ZDHHC14: variants seen among roughly 807,000 people sequenced by gnomAD.
The protein encoded by ZDHHC14 is zDHHC palmitoyltransferase 14.
In ZDHHC14, 16 loss-of-function variants were observed where a neutral mutation model predicts 47.7. That is an observed-to-expected ratio of 0.34 (90% CI 0.23 to 0.51). The LOEUF (loss-of-function observed/expected upper bound fraction) is 0.51. ZDHHC14 is among the 20% of genes least tolerant of loss of function. ZDHHC14 has a pLI of 0.97. For synonymous variants in ZDHHC14, 293 were observed against 278.9 expected (o/e 1.05, Z -0.50); for missense variants, 515 against 662.5 (o/e 0.78, Z 2.44).
intron 3 of ZDHHC14, among the ~76,000 whole-genome samples, chr6:157,618,161 T>A (rs941845680): frequency 1.3e-5 from 2 of 152,200 alleles, no homozygotes; most frequent in African/African-American, 2.4e-5. Context: ...AGGTCAACGC[T>A]GAGGGGCTTG....
intron 1 of ZDHHC14, among the ~76,000 whole-genome samples, chr6:157,412,858 G>A (rs1353827294): frequency 2.6e-5 from 4 of 152,208 alleles, no homozygotes; most frequent in Non-Finnish European, 2.9e-5. Context: ...AGGATATAGC[G>A]TTGGGAAATC....
intron 3 of ZDHHC14, among the ~76,000 whole-genome samples, chr6:157,627,159 A>G (rs1454102042): frequency 6.6e-6 from 1 of 152,186 alleles, no homozygotes; most frequent in Non-Finnish European, 1.5e-5. Context: ...ACAAGCTTGC[A>G]TTTGACCAAA....
At chr6:157,478,163 CAT>C (rs1164663565) in intron 1 of ZDHHC14, among the ~76,000 whole-genome samples, 6 of 152,142 alleles carry the variant, frequency 3.9e-5, no homozygotes, top group Non-Finnish European at 8.8e-5. Context: ...TTGCATTAAA[CAT>C]GTGTTCAGGA....
chr6:157,420,715 T>C (rs2114769410), intron 1 of ZDHHC14, among the ~76,000 whole-genome samples: 1 of 152,354 alleles, frequency 6.6e-6, no homozygotes, highest in South Asian at 2.1e-4. Flanking sequence ...AGGTCAGAAC[T>C]TGGTCACATT....
intron 1 of ZDHHC14, among the ~76,000 whole-genome samples, chr6:157,424,900 C>T (rs1020918391): frequency 6.6e-6 from 1 of 152,086 alleles, no homozygotes; most frequent in African/African-American, 2.4e-5. Flanking sequence ...GGATCCCTGC[C>T]AGGTGTCCTA....
At position 157,611,091 on chromosome 6, in the gene ZDHHC14, C is replaced by T. The variant is rs180728481; in HGVS notation, c.566-17258C>T. On this transcript the variant is annotated intron_variant, in intron 3 of 8. Coordinates refer to ENST00000359775, the MANE Select transcript of ZDHHC14 (RefSeq NM_024630.3). ...GTGCTGTGATGCAATCTCCACCTCC[C>T]GGGTTCAAGCCATCCTTCTGCCTCA... Among the ~76,000 whole-genome samples the T allele has an allele frequency of 6.6e-5, 10 of 152,268 alleles. No homozygotes were observed. The East Asian group carries it at 1.2e-3, about 18-fold the overall frequency.
intron 1 of ZDHHC14, among the ~76,000 whole-genome samples, chr6:157,385,153 A>G (rs1309679981): frequency 6.6e-6 from 1 of 151,650 alleles, no homozygotes; most frequent in East Asian, 1.9e-4. Context: ...CAGTGGCACA[A>G]TCATGGCTCA....
intron 1 of ZDHHC14, among the ~76,000 whole-genome samples, chr6:157,386,588 A>G (rs565289929): frequency 2.4e-4 from 36 of 152,262 alleles, no homozygotes; most frequent in African/African-American, 8.4e-4. Context: ...ACTCTTTCTC[A>G]AGCAAGGAGG....
intron 2 of ZDHHC14, among the ~76,000 whole-genome samples, chr6:157,567,537 C>G (rs1228888151): frequency 6.6e-6 from 1 of 152,108 alleles, no homozygotes; most frequent in Non-Finnish European, 1.5e-5. Flanking sequence ...TTGAACCCGC[C>G]GGGCGCCGTG....
intron 1 of ZDHHC14, among the ~76,000 whole-genome samples, chr6:157,437,140 C>T (rs1178057545): frequency 1.3e-5 from 2 of 152,164 alleles, no homozygotes; most frequent in Admixed American, 6.5e-5. Flanking sequence ...CAGGATTGGC[C>T]GGCCACACAT....
rs1780218464 is a variant in ZDHHC14 at position 157,502,728 on chromosome 6, T to C, written c.246-39857T>C. Among the ~76,000 whole-genome samples, 1 of 152,214 alleles carries C rather than the reference T, an allele frequency of 6.6e-6. No homozygotes were observed. The highest frequency in any genetic ancestry group is 2.4e-5 in the African/African-American group (1 of 41,456). ...GTTTTTTAGACAGGGTCTTGCTCTG[T>C]CACCCAGGCTGGAGTGCAGTGGCAT... On this transcript the variant is annotated intron_variant, in intron 1 of 8. Transcript: ENST00000359775. The surrounding 1 kb of genome is among the most constrained non-coding windows in gnomAD (Gnocchi z 4.0).
chr6:157,437,424 G>C (rs1253190600), intron 1 of ZDHHC14, among the ~76,000 whole-genome samples: 1 of 152,220 alleles, frequency 6.6e-6, no homozygotes, highest in African/African-American at 2.4e-5. Context: ...CGGGCAGGCT[G>C]TCGCCCTGTT....
chr6:157,591,396 C>G (rs956592583), intron 2 of ZDHHC14, among the ~76,000 whole-genome samples: 3 of 152,146 alleles, frequency 2.0e-5, no homozygotes, highest in Admixed American at 2.0e-4. Flanking sequence ...TACCCCCATG[C>G]TGTTCTTGTG....
intron 1 of ZDHHC14, among the ~76,000 whole-genome samples, chr6:157,403,502 C>T (rs1253907815): frequency 6.6e-6 from 1 of 152,158 alleles, no homozygotes; most frequent in Non-Finnish European, 1.5e-5. Context: ...ACCCACAGCC[C>T]CTAAACTCCA....
chr6:157,572,440 A>T (rs888943943), intron 2 of ZDHHC14, among the ~76,000 whole-genome samples: 2 of 152,226 alleles, frequency 1.3e-5, no homozygotes, highest in African/African-American at 4.8e-5. Context: ...TTCTGGGTTT[A>T]TCTGGCCTCC....
chr6:157,415,860 TAAGACTTTGTCTCAAAAAAAAAAAA>T (rs1777963185), intron 1 of ZDHHC14, among the ~76,000 whole-genome samples: 2 of 148,276 alleles, frequency 1.3e-5, no homozygotes, highest in Admixed American at 1.3e-4. Flanking sequence ...GGTGACAGAG[TAAGACTTTGTCTCAAAAAAAAAAAA>T]AAGAAAAAGT....
chr6:157,554,949 C>T (rs1175646399), intron 2 of ZDHHC14, among the ~76,000 whole-genome samples: 1 of 152,224 alleles, frequency 6.6e-6, no homozygotes, highest in Non-Finnish European at 1.5e-5. Context: ...GGTGCCTGCA[C>T]CCCTGTGTGT....
intron 2 of ZDHHC14, among the ~76,000 whole-genome samples, chr6:157,573,961 C>CGGGG (rs781429140): frequency 6.6e-6 from 1 of 150,784 alleles, no homozygotes; most frequent in African/African-American, 2.5e-5. Context: ...ACCTCGGGGT[C>CGGGG]GGGGGGGAAG....
chr6:157,397,685 G>A (rs1398172606), intron 1 of ZDHHC14, among the ~76,000 whole-genome samples: 1 of 152,180 alleles, frequency 6.6e-6, no homozygotes, highest in African/African-American at 2.4e-5. Context: ...ACAGGTTCTG[G>A]GGATTAGGAT....
Sources: gnomAD v4.1 joint callset for allele counts (sites outside exome capture counted in the v4.1 genomes callset) on GRCh38, gnomAD v4.1.1 for gene constraint, Gnocchi (gnomAD v3.1) non-coding constraint, MANE v1.5 for transcripts, NCBI Gene and HGNC (gene_info 2026-07-23, HGNC 2026-07-21) for gene names.